CSMD1: variants seen among roughly 807,000 people sequenced by gnomAD.
CSMD1 encodes the protein CUB and Sushi multiple domains 1, also known as CUB and sushi domain-containing protein 1.
Under a neutral mutation model 417.5 loss-of-function variants are expected in CSMD1, and 213 were observed. The observed-to-expected ratio is 0.51, with a 90% CI of 0.46 to 0.57. The LOEUF (loss-of-function observed/expected upper bound fraction) is 0.57. Ranked by LOEUF, CSMD1 falls within the 20% of genes least tolerant of loss-of-function variation. The pLI, the probability that CSMD1 is intolerant of heterozygous loss-of-function variation, is 0.00. For missense variants in CSMD1, 6,923 were observed against 4,529.7 expected (o/e 1.53, Z -15.17); for synonymous variants, 2,862 against 1,736.8 (o/e 1.65, Z -16.11).
chr8:4,811,872 C>A (rs151041125), intron 1 of CSMD1, among the ~76,000 whole-genome samples: 67 of 152,162 alleles, frequency 4.4e-4, no homozygotes, highest in African/African-American at 1.6e-3. Context: ...CCACAGCTGC[C>A]TCAAATCATA....
At chr8:4,551,896 C>G (rs912997193) in intron 2 of CSMD1, among the ~76,000 whole-genome samples, 18 of 148,116 alleles carry the variant, frequency 1.2e-4, no homozygotes, top group Non-Finnish European at 2.2e-4. Flanking sequence ...CCATGTTGCT[C>G]AGGCAGACTC....
At chr8:4,024,552 G>A (rs535391630) in intron 4 of CSMD1, among the ~76,000 whole-genome samples, 20 of 152,120 alleles carry the variant, frequency 1.3e-4, no homozygotes, top group Non-Finnish European at 2.9e-4. Context: ...GTCAATTTGA[G>A]ACTTTAGTTT....
In CSMD1 at chr8:4,238,115, T is replaced by C. The variant is rs184357805; in HGVS notation, c.415+181838A>G. ...GATTGAGACACAATTTTTTCAGTCA[T>C]GTCTGCCCCTGGCCTAAAAATGTCT... On this transcript the variant is annotated intron_variant, in intron 3 of 69. Coordinates refer to ENST00000635120, the MANE Select transcript of CSMD1 (RefSeq NM_033225.6). 2.1e-3 allele frequency among the ~76,000 whole-genome samples: 326 copies of C among 152,256 alleles called. 1 individual carries two copies. The highest frequency in any genetic ancestry group is 7.6e-3 in the African/African-American group (315 of 41,554).
chr8:3,601,949 C>G (rs1801380800), intron 8 of CSMD1, among the ~76,000 whole-genome samples: 1 of 152,018 alleles, frequency 6.6e-6, no homozygotes, highest in Non-Finnish European at 1.5e-5. Flanking sequence ...ATCACGTTCC[C>G]AGGAACAGGA....
intron 1 of CSMD1, among the ~76,000 whole-genome samples, chr8:4,953,322 CTTG>C (rs762361254): frequency 3.3e-5 from 5 of 152,058 alleles, no homozygotes; most frequent in Non-Finnish European, 5.9e-5. Context: ...CACAATTGAA[CTTG>C]TTGTAACTTT....
chr8:3,970,676 C>G (rs986501715), intron 5 of CSMD1, among the ~76,000 whole-genome samples: 1 of 152,144 alleles, frequency 6.6e-6, no homozygotes, highest in African/African-American at 2.4e-5. Context: ...CGTGGAACCT[C>G]TAATAAAATG....
At chr8:4,447,562 A>G (rs183995116) in intron 2 of CSMD1, among the ~76,000 whole-genome samples, 328 of 152,324 alleles carry the variant, frequency 2.2e-3, no homozygotes, top group African/African-American at 7.3e-3. Flanking sequence ...GTAACACTAC[A>G]AATACCAATG....
chr8:3,595,242 G>T (rs1280511182), intron 8 of CSMD1, among the ~76,000 whole-genome samples: 4 of 152,306 alleles, frequency 2.6e-5, no homozygotes, highest in South Asian at 2.1e-4. Flanking sequence ...AAGCAAGCCA[G>T]CCACATGCTA....
Position 4,538,818 on chromosome 8 carries a change from G to C in CSMD1, c.302+98524C>G, listed in dbSNP as rs60711605. 8.3e-3 allele frequency among the ~76,000 whole-genome samples: 1,259 copies of C among 152,298 alleles called. 19 individuals carry two copies. Among genetic ancestry groups the C allele is most frequent in the African/African-American group, 0.029 (1,205 of 41,566 alleles). On this transcript the variant is annotated intron_variant, in intron 2 of 69. Coordinates refer to ENST00000635120, the MANE Select transcript of CSMD1 (RefSeq NM_033225.6). The stretch of plus-strand genomic sequence containing the variant: ...AAACAGAAGCTCAAAGAAGTAACTT[G>C]TTTTGGGTCACAAAGCTGGTGAGAA...
chr8:4,106,123 G>C (rs902198516), intron 3 of CSMD1, among the ~76,000 whole-genome samples: 1 of 152,194 alleles, frequency 6.6e-6, no homozygotes, highest in Non-Finnish European at 1.5e-5. Flanking sequence ...TGGAGGGAAA[G>C]TGACCATCGA....
intron 30 of CSMD1, among the ~76,000 whole-genome samples, chr8:3,212,279 A>G (rs1797655751): frequency 6.6e-6 from 1 of 152,182 alleles, no homozygotes; most frequent in Admixed American, 6.5e-5. Context: ...CAATGACTAC[A>G]CTATCAGAAT....
chr8:4,213,547 C>G (rs1800451279), intron 3 of CSMD1, among the ~76,000 whole-genome samples: 1 of 152,158 alleles, frequency 6.6e-6, no homozygotes, highest in Non-Finnish European at 1.5e-5. Flanking sequence ...CACACAACGT[C>G]TAGAAATAAA....
At chr8:3,801,362 C>T (rs1414331448) in intron 5 of CSMD1, among the ~76,000 whole-genome samples, 1 of 152,026 alleles carries the variant, frequency 6.6e-6, no homozygotes, top group Non-Finnish European at 1.5e-5. Context: ...TGAAAAGATG[C>T]TAAAGATCAT....
intron 1 of CSMD1, among the ~76,000 whole-genome samples, chr8:4,912,920 G>A (rs1485578635): frequency 6.6e-6 from 1 of 151,994 alleles, no homozygotes; most frequent in Non-Finnish European, 1.5e-5. Context: ...CAAGTAGCTG[G>A]GACTACAGGC....
At chr8:3,979,470 T>G (rs1377126289) in intron 5 of CSMD1, among the ~76,000 whole-genome samples, 1 of 152,148 alleles carries the variant, frequency 6.6e-6, no homozygotes, top group Non-Finnish European at 1.5e-5. Context: ...ATACAGTGTG[T>G]CTTTGGCTTA....
chr8:3,307,597 A>C, intron 25 of CSMD1, 98 bp downstream of exon 25: 2 of 1,347,044 alleles, frequency 1.5e-6, no homozygotes. Flanking sequence ...TAGTTCAGAA[A>C]CTTTAACCAT....
At chr8:4,763,665 T>G (rs1035436988) in intron 1 of CSMD1, among the ~76,000 whole-genome samples, 2 of 152,160 alleles carry the variant, frequency 1.3e-5, no homozygotes, top group African/African-American at 2.4e-5. Flanking sequence ...GAGATATAAA[T>G]AAAGATTGAG....
intron 8 of CSMD1, among the ~76,000 whole-genome samples, chr8:3,599,149 G>GTGTC (rs35919818): frequency 0.016 from 2,366 of 146,442 alleles, 43 homozygotes; most frequent in African/African-American, 0.043. Flanking sequence ...GTGTGTGTGT[G>GTGTC]TCTGTGTGTG....
chr8:4,426,662 T>C (rs1797576861), intron 2 of CSMD1, among the ~76,000 whole-genome samples: 1 of 147,292 alleles, frequency 6.8e-6, no homozygotes, highest in East Asian at 1.9e-4. Flanking sequence ...TATTTTATAG[T>C]AATATTTTAT....
Sources: gnomAD v4.1 joint callset for allele counts (sites outside exome capture counted in the v4.1 genomes callset) on GRCh38, gnomAD v4.1.1 for gene constraint, MANE v1.5 for transcripts, NCBI Gene and HGNC (gene_info 2026-07-23, HGNC 2026-07-21) for gene names.